Variants in MAPT observed in about 807,000 individuals in gnomAD.
MAPT encodes microtubule associated protein tau.
A neutral mutation model predicts 67.9 loss-of-function variants in MAPT; 34 were observed. The observed-to-expected ratio is 0.50, with a 90% confidence interval of 0.38 to 0.67. MAPT has a LOEUF of 0.67. Ranked by LOEUF, MAPT falls within the 30% of genes least tolerant of loss-of-function variation. The pLI is 0.00. For synonymous variants in MAPT, 456 were observed against 464.5 expected (o/e 0.98, Z 0.23); for missense variants, 881 against 1,115.2 (o/e 0.79, Z 2.99).
intron 9 of MAPT, among the ~76,000 whole-genome samples, chr17:46,002,051 A>G (rs2075045293): frequency 6.6e-6 from 1 of 152,182 alleles, no homozygotes; most frequent in Admixed American, 6.5e-5. Flanking sequence ...AAGCAAAATA[A>G]ACAACTGGAG....
At chr17:46,021,987 GTCTTAA>G (rs2076555450) in intron 12 of MAPT, among the ~76,000 whole-genome samples, 1 of 152,186 alleles carries the variant, frequency 6.6e-6, no homozygotes, top group Non-Finnish European at 1.5e-5. Flanking sequence ...TCCCAGGAAT[GTCTTAA>G]AAAACACTTC....
intron 12 of MAPT, 111 bp downstream of exon 12, chr17:46,018,841 G>A (rs1262213155): frequency 1.4e-4 from 109 of 801,318 alleles, no homozygotes; most frequent in African/African-American, 1.7e-5. Context: ...AGGCTTCTGT[G>A]TTGACTGGCT....
intron 1 of MAPT, among the ~76,000 whole-genome samples, chr17:45,914,896 T>C (rs1005888027): frequency 6.6e-6 from 1 of 151,760 alleles, no homozygotes; most frequent in African/African-American, 2.4e-5. Context: ...CTATTTTTTT[T>C]AATCAAGATG....
intron 1 of MAPT, among the ~76,000 whole-genome samples, chr17:45,955,285 A>G (rs950695998): frequency 3.9e-5 from 6 of 152,002 alleles, no homozygotes; most frequent in Admixed American, 1.3e-4. Flanking sequence ...CCTGACCCCA[A>G]CCCGATTTTG....
intron 2 of MAPT, among the ~76,000 whole-genome samples, chr17:45,967,898 A>T (rs1050856193): frequency 2.0e-5 from 3 of 152,120 alleles, no homozygotes; most frequent in Non-Finnish European, 4.4e-5. Flanking sequence ...TGATACCACC[A>T]TCAGCTTGTC....
chr17:45,913,181 A>G (rs1268765351), intron 1 of MAPT, among the ~76,000 whole-genome samples: 2 of 152,224 alleles, frequency 1.3e-5, no homozygotes, highest in African/African-American at 4.8e-5. Context: ...GGGAAGCCTC[A>G]CAATCATGGC....
chr17:45,972,149 G>C (rs2071757551), intron 3 of MAPT: 3 of 692,388 alleles, frequency 4.3e-6, no homozygotes, highest in Non-Finnish European at 5.3e-6. Context: ...TTCATCCCGT[G>C]TGTGCTCTGG....
Position 45,935,376 on chromosome 17 carries a change from G to A in MAPT, c.-17-26945G>A, listed in dbSNP as rs530658064. Among the ~76,000 whole-genome samples the A allele has an allele frequency of 4.6e-5, 7 of 152,036 alleles. No individual in the cohort carries two copies. In the South Asian group the frequency reaches 8.3e-4, roughly 18 times the overall value. On this transcript the variant is annotated intron_variant, in intron 1 of 12. Transcript: ENST00000262410. ...TCGCAGCTTCATTACATAACCTTCC[G>A]TGGACTCCTGGTCCAAGGATCACCC...
intron 9 of MAPT, among the ~76,000 whole-genome samples, chr17:46,006,810 C>G (rs1253567978): frequency 1.3e-5 from 2 of 152,038 alleles, no homozygotes; most frequent in East Asian, 1.9e-4. Context: ...GTAGTCCCAG[C>G]TACTCGGGAG....
intron 1 of MAPT, among the ~76,000 whole-genome samples, chr17:45,900,719 A>G (rs189791530): frequency 6.6e-6 from 1 of 152,328 alleles, no homozygotes; most frequent in East Asian, 1.9e-4. Context: ...CTAATGGTTA[A>G]GGAGGTAGGC....
intron 1 of MAPT, among the ~76,000 whole-genome samples, chr17:45,960,402 G>T (rs935624648): frequency 1.3e-5 from 2 of 152,272 alleles, no homozygotes; most frequent in African/African-American, 4.8e-5. Flanking sequence ...CATAGAGGAA[G>T]AGGGGTTCAA....
chr17:46,025,314 C>CG lies in MAPT; in HGVS notation c.*1143_*1144insG, dbSNP rs1208219514. On this transcript the variant is annotated 3_prime_UTR_variant, in exon 13 of 13. Transcript: ENST00000262410. ...TCCTTCCCACGGCCACTGCAGTCACCCCGTCTGCGCCGCTGTGCTGTTGTC... is the reference window on the plus strand; with the variant it reads ...TCCTTCCCACGGCCACTGCAGTCACCGCCGTCTGCGCCGCTGTGCTGTTGTC... The CG allele has an allele frequency of 1.6e-5, 2 of 126,658 alleles. No individual in the cohort carries two copies. The highest frequency in any genetic ancestry group is 5.9e-5 in the African/African-American group (2 of 33,876). 7.8% of individuals were successfully genotyped at this position (126,658 alleles called of 1,614,324 possible).
rs554701656 is a variant in MAPT at position 46,010,036 on chromosome 17, G to A, written c.1999-274G>A. Among the ~76,000 whole-genome samples the A allele has an allele frequency of 1.4e-4, 21 of 152,312 alleles. No individual in the cohort carries two copies. Among genetic ancestry groups the A allele is most frequent in the African/African-American group, 5.1e-4 (21 of 41,572 alleles). Reference sequence around the variant, plus strand: ...CCATCCTTTTGTGAAGTGAGGACCTGCAATCCCAGCTTCGTAAAGCCCGCT... The same window carrying A: ...CCATCCTTTTGTGAAGTGAGGACCTACAATCCCAGCTTCGTAAAGCCCGCT... On this transcript the variant is annotated intron_variant, in intron 9 of 12. Transcript: ENST00000262410. This position sits in a 1 kb window ranked among gnomAD's most constrained non-coding sequence, Gnocchi z 4.7.
intron 1 of MAPT, among the ~76,000 whole-genome samples, chr17:45,952,541 T>C (rs751333851): frequency 3.3e-5 from 5 of 152,218 alleles, no homozygotes; most frequent in Non-Finnish European, 1.5e-5. Flanking sequence ...TCCCAGCACT[T>C]TGGGAGGCCA....
intron 2 of MAPT, among the ~76,000 whole-genome samples, chr17:45,965,102 C>T (rs906823618): frequency 2.0e-4 from 30 of 152,088 alleles, no homozygotes; most frequent in African/African-American, 6.5e-4. Flanking sequence ...GGTGTCCCAG[C>T]CTATCCCAGC....
intron 6 of MAPT, 143 bp from the exon 7 acceptor site, chr17:45,989,735 G>A (rs2073910311): frequency 5.5e-6 from 4 of 726,328 alleles, no homozygotes; most frequent in African/African-American, 3.5e-5. Flanking sequence ...GGATATTAAG[G>A]GTACCTGATT....
chr17:46,006,816 G>A (rs1380855576), intron 9 of MAPT, among the ~76,000 whole-genome samples: 2 of 151,934 alleles, frequency 1.3e-5, no homozygotes, highest in Non-Finnish European at 2.9e-5. Flanking sequence ...CCAGCTACTC[G>A]GGAGGCTGAG....
chr17:46,024,033 G>A lies in MAPT; in HGVS notation c.2364G>A (p.Ser788=), dbSNP rs377720312. 81 of 1,613,968 alleles carry A rather than the reference G, an allele frequency of 5.0e-5. No individual in the cohort carries two copies. The highest frequency in any genetic ancestry group is 6.3e-5 in the Non-Finnish European group (74 of 1,180,048). ...TDHGAEIVYK[S]PVVSGDTSPR... is the part of the protein sequence containing the mutation. ...ACGGGGCGGAGATCGTGTACAAGTCGCCAGTGGTGTCTGGGGACACGTCTC... is the reference window on the plus strand; with the variant it reads ...ACGGGGCGGAGATCGTGTACAAGTCACCAGTGGTGTCTGGGGACACGTCTC... The change falls in exon 13 of 13, where the codon TCG becomes TCA. Residue 788 remains serine, a synonymous_variant. Coordinates refer to ENST00000262410, the MANE Select transcript of MAPT (RefSeq NM_001377265.1).
intron 3 of MAPT, chr17:45,977,933 C>T (rs146315233): frequency 3.2e-4 from 59 of 187,230 alleles, no homozygotes; most frequent in Non-Finnish European, 3.9e-4. Context: ...GAATGAATGC[C>T]GGTGCCTGGA....
Sources: allele counts gnomAD v4.1 joint callset (sites outside exome capture counted in the v4.1 genomes callset), GRCh38; gene constraint gnomAD v4.1.1; non-coding constraint Gnocchi (gnomAD v3.1); transcripts MANE v1.5; gene names NCBI Gene and HGNC (gene_info 2026-07-23, HGNC 2026-07-21).